Variants in ERBB4 observed in about 807,000 individuals in gnomAD.
ERBB4 encodes the protein erb-b2 receptor tyrosine kinase 4.
ERBB4 carries 42 observed loss-of-function variants against 158.0 expected under a neutral mutation model. The observed-to-expected ratio is 0.27, with a 90% CI of 0.21 to 0.34. The LOEUF is 0.34. Among genes scored for constraint, ERBB4 ranks in the 10% least tolerant of loss-of-function variants. ERBB4 has a pLI of 1.00. For synonymous variants in ERBB4, 583 were observed against 558.7 expected, an observed-to-expected ratio of 1.04 and a Z score of -0.61; for missense variants, 1,333 against 1,624.1, an observed-to-expected ratio of 0.82 and a Z score of 3.08.
At chr2:211,464,153 A>G (rs1354200945) in intron 20 of ERBB4, among the ~76,000 whole-genome samples, 2 of 152,090 alleles carry the variant, frequency 1.3e-5, no homozygotes, top group Non-Finnish European at 2.9e-5. Flanking sequence ...CTGGGCATTT[A>G]TCTTGTTATT....
At position 211,671,442 on chromosome 2, in the gene ERBB4, A is replaced by G. The variant is rs952278257; in HGVS notation, c.1716+1722T>C. On this transcript the variant is annotated intron_variant, in intron 14 of 27. Coordinates refer to ENST00000342788, the MANE Select transcript of ERBB4 (RefSeq NM_005235.3). Reference sequence around the variant, plus strand: ...GAAATAGGAAATTACATGTGTGAAGAAAAAAAACTAATCTAGAAAATTGTA... The same window carrying G: ...GAAATAGGAAATTACATGTGTGAAGGAAAAAAACTAATCTAGAAAATTGTA... Among the ~76,000 whole-genome samples the G allele has an allele frequency of 4.1e-5, 5 of 121,022 alleles. No homozygotes were observed. In the South Asian group the frequency reaches 6.7e-4, roughly 16 times the overall value. 79.4% of individuals were successfully genotyped at this position (121,022 alleles called of 152,430 possible).
intron 1 of ERBB4, among the ~76,000 whole-genome samples, chr2:212,282,543 A>T (rs1479524396): frequency 6.6e-6 from 1 of 151,944 alleles, no homozygotes; most frequent in African/African-American, 2.4e-5. Flanking sequence ...TTTATTTCAT[A>T]AACATTTCAA....
chr2:212,511,846 A>G (rs1438927036), intron 1 of ERBB4, among the ~76,000 whole-genome samples: 1 of 149,532 alleles, frequency 6.7e-6, no homozygotes, highest in Non-Finnish European at 1.5e-5. Flanking sequence ...AATGTCATGA[A>G]GAATCCATTT....
At chr2:211,613,268 G>A (rs557890182) in intron 19 of ERBB4, among the ~76,000 whole-genome samples, 7 of 152,080 alleles carry the variant, frequency 4.6e-5, no homozygotes, top group African/African-American at 1.7e-4. Context: ...AAGATTTTTT[G>A]TAAGAACATG....
At chr2:211,987,430 T>G (rs1324070217) in intron 2 of ERBB4, among the ~76,000 whole-genome samples, 1 of 151,984 alleles carries the variant, frequency 6.6e-6, no homozygotes, top group Non-Finnish European at 1.5e-5. Flanking sequence ...TTGAGGTCTT[T>G]TAAAAACAAT....
chr2:211,639,621 AC>A (rs1373019632), intron 16 of ERBB4, among the ~76,000 whole-genome samples: 10 of 152,182 alleles, frequency 6.6e-5, no homozygotes, highest in African/African-American at 2.4e-4. Flanking sequence ...TATAAATTGC[AC>A]CTACCTTTAT....
intron 1 of ERBB4, among the ~76,000 whole-genome samples, chr2:212,362,311 C>T (rs569566865): frequency 2.0e-3 from 307 of 151,362 alleles, no homozygotes; most frequent in South Asian, 3.7e-3. Context: ...GCCAAATTAG[C>T]GGCTAATTTT....
chr2:211,464,047 C>G (rs1276122553), intron 20 of ERBB4, among the ~76,000 whole-genome samples: 1 of 152,108 alleles, frequency 6.6e-6, no homozygotes, highest in Non-Finnish European at 1.5e-5. Context: ...AGTCTTATCT[C>G]ACATGTCACT....
intron 2 of ERBB4, among the ~76,000 whole-genome samples, chr2:211,973,865 AT>A (rs2081529710): frequency 6.6e-6 from 1 of 152,184 alleles, no homozygotes; most frequent in African/African-American, 2.4e-5. Flanking sequence ...GATAAAAAAA[AT>A]GTGGGACATG....
intron 1 of ERBB4, among the ~76,000 whole-genome samples, chr2:212,241,061 C>T (rs1486164380): frequency 6.6e-6 from 1 of 152,020 alleles, no homozygotes; most frequent in African/African-American, 2.4e-5. Context: ...CAGGAAATAA[C>T]TAGAAATTAA....
chr2:211,681,938 T>G (rs2105968535), intron 12 of ERBB4, among the ~76,000 whole-genome samples: 1 of 152,178 alleles, frequency 6.6e-6, no homozygotes, highest in African/African-American at 2.4e-5. Flanking sequence ...TTTCTAAGTT[T>G]TATAGGTTTC....
chr2:212,134,111 C>G (rs1315565901), intron 1 of ERBB4, among the ~76,000 whole-genome samples: 1 of 152,062 alleles, frequency 6.6e-6, no homozygotes, highest in Non-Finnish European at 1.5e-5. Context: ...GTTATATATT[C>G]TAGAATTCTA....
Position 211,382,303 on chromosome 2 carries a change from T to C in ERBB4, c.*1312A>G, listed in dbSNP as rs1208319490. On this transcript the variant is annotated 3_prime_UTR_variant, in exon 28 of 28. Coordinates refer to ENST00000342788, the MANE Select transcript of ERBB4 (RefSeq NM_005235.3). Reference sequence around the variant, plus strand: ...AGTATACGAACTGAACAAATTTCCTTGCGTAGCAAAGGTGACATATGAAGA... The same window carrying C: ...AGTATACGAACTGAACAAATTTCCTCGCGTAGCAAAGGTGACATATGAAGA... The C allele has an allele frequency of 4.3e-6, 1 of 232,344 alleles. No individual in the cohort carries two copies. The highest frequency in any genetic ancestry group is 8.5e-6 in the Non-Finnish European group (1 of 117,546). The allele number at this position is 232,344 out of a possible 1,614,324, so 14.4% of individuals were successfully genotyped here.
intron 2 of ERBB4, among the ~76,000 whole-genome samples, chr2:212,032,014 A>G (rs1171885086): frequency 1.3e-5 from 2 of 152,108 alleles, no homozygotes; most frequent in Non-Finnish European, 2.9e-5. Flanking sequence ...TCTGAGTAAG[A>G]ATGACTCTGC....
At chr2:211,438,989 A>AGTGT (rs58211149) in intron 20 of ERBB4, among the ~76,000 whole-genome samples, 6,724 of 149,162 alleles carry the variant, frequency 0.045, 421 homozygotes, top group African/African-American at 0.14. Flanking sequence ...AATATATTTG[A>AGTGT]GTGTGTGTGT....
intron 13 of ERBB4, among the ~76,000 whole-genome samples, chr2:211,675,937 G>A (rs888879136): frequency 4.0e-5 from 6 of 151,520 alleles, no homozygotes; most frequent in African/African-American, 1.5e-4. Context: ...AGAAAATAAT[G>A]ATAACATTTA....
At chr2:211,535,614 T>A (rs1348487256) in intron 20 of ERBB4, 1 of 151,782 alleles carries the variant, frequency 6.6e-6, no homozygotes. Flanking sequence ...TGTGTGTGTG[T>A]CCATGCACAT....
chr2:212,041,962 T>A (rs771371176), intron 2 of ERBB4, among the ~76,000 whole-genome samples: 6 of 152,136 alleles, frequency 3.9e-5, no homozygotes, highest in Non-Finnish European at 5.9e-5. Context: ...TAATACCGTA[T>A]AATTAGCTGA....
At chr2:212,444,162 T>C (rs984731273) in intron 1 of ERBB4, among the ~76,000 whole-genome samples, 4 of 152,084 alleles carry the variant, frequency 2.6e-5, no homozygotes, top group Non-Finnish European at 5.9e-5. Context: ...CTATGATCAG[T>C]TGACAGAGGA....
Sources: allele counts gnomAD v4.1 joint callset (sites outside exome capture counted in the v4.1 genomes callset), GRCh38; gene constraint gnomAD v4.1.1; transcripts MANE v1.5; gene names NCBI Gene and HGNC (gene_info 2026-07-23, HGNC 2026-07-21).